IL1RAPL2: variants seen among roughly 807,000 people sequenced by gnomAD.
The protein encoded by IL1RAPL2 is X-linked interleukin-1 receptor accessory protein-like 2.
IL1RAPL2 carries 3 observed loss-of-function variants against 44.1 expected under a neutral mutation model. The ratio of observed to expected loss-of-function variants is 0.07; its 90% CI spans 0.03 to 0.18. The LOEUF is 0.18. IL1RAPL2 is among the 10% of genes least tolerant of loss of function. IL1RAPL2 has a pLI of 1.00. For missense variants in IL1RAPL2, 391 were observed against 496.4 expected, an observed-to-expected ratio of 0.79 and a Z score of 2.02; for synonymous variants, 181 against 178.8, an observed-to-expected ratio of 1.01 and a Z score of -0.10.
intron 2 of IL1RAPL2, among the ~76,000 whole-genome samples, chrX:105,186,478 T>C (rs1364730647): frequency 9.0e-6 from 1 of 111,320 alleles, no homozygotes; most frequent in African/African-American, 3.3e-5. Flanking sequence ...GCATAACTGC[T>C]TTCTGACAAG....
intron 5 of IL1RAPL2, among the ~76,000 whole-genome samples, chrX:105,272,913 A>C (rs766993438): frequency 3.6e-5 from 4 of 112,134 alleles, no homozygotes; most frequent in Non-Finnish European, 7.5e-5. Context: ...CAGGCTGGAA[A>C]ACACACTTTT....
rs756919746 is a variant in IL1RAPL2 at position 105,527,403 on chromosome X, A to G, written c.772+43016A>G. 2.8e-5 allele frequency among the ~76,000 whole-genome samples: 3 copies of G among 107,268 alleles called. No homozygotes were observed. The East Asian group carries it at 8.7e-4, about 31-fold the overall frequency. 93.1% of individuals were successfully genotyped at this position (107,268 alleles called of 115,157 possible). A position where few individuals can be genotyped will look rare whatever the true frequency, so the allele number is the denominator to read the frequency against. On this transcript the variant is annotated intron_variant, in intron 6 of 10. Transcript: ENST00000372582. Reference sequence around the variant, plus strand: ...TGGCTTGCTCCTCAAAGCCTACAGGATAAAAAGGACATGCAGTATATGTGA... The same window carrying G: ...TGGCTTGCTCCTCAAAGCCTACAGGGTAAAAAGGACATGCAGTATATGTGA...
intron 9 of IL1RAPL2, among the ~76,000 whole-genome samples, chrX:105,753,618 A>C (rs1466789721): frequency 9.0e-6 from 1 of 111,135 alleles, no homozygotes; most frequent in African/African-American, 3.3e-5. Flanking sequence ...TTGCTTATGA[A>C]CATTCTCACT....
chrX:105,504,361 T>C (rs924336713), intron 6 of IL1RAPL2, among the ~76,000 whole-genome samples: 1 of 111,185 alleles, frequency 9.0e-6, no homozygotes, highest in Admixed American at 9.6e-5. Flanking sequence ...TCTTTCAAAA[T>C]TGGGCCTTAT....
chrX:105,704,712 T>C (rs754244111), intron 6 of IL1RAPL2, among the ~76,000 whole-genome samples: 71 of 110,908 alleles, frequency 6.4e-4, no homozygotes, highest in Admixed American at 3.8e-3. Flanking sequence ...TTGCTGCACC[T>C]ATCAACCCAT....
intron 2 of IL1RAPL2, among the ~76,000 whole-genome samples, chrX:104,901,199 CTTTTTTTTTTTTTTTT>C (rs1194148816): frequency 6.2e-5 from 2 of 32,115 alleles, no homozygotes; most frequent in African/African-American, 2.7e-4. Context: ...TCTTTTGCTT[CTTTTTTTTTTTTTTTT>C]TTTTTTTTTT....
chrX:105,077,091 T>C (rs6616563), intron 2 of IL1RAPL2, among the ~76,000 whole-genome samples: 1 of 110,961 alleles, frequency 9.0e-6, no homozygotes, highest in Non-Finnish European at 1.9e-5. Flanking sequence ...TCATTATGAT[T>C]TTAGCTGGTT....
chrX:105,099,418 C>T (rs755451322), intron 2 of IL1RAPL2, among the ~76,000 whole-genome samples: 2 of 93,208 alleles, frequency 2.1e-5, no homozygotes, highest in Non-Finnish European at 4.2e-5. Context: ...CATCATTTGG[C>T]GAGAGCAGGA....
In IL1RAPL2 at chrX:105,440,350, G is replaced by A. The variant is rs747718149; in HGVS notation, c.698-43963G>A. Among the ~76,000 whole-genome samples the A allele has an allele frequency of 3.6e-5, 4 of 112,051 alleles. No individual in the cohort carries two copies. The South Asian group carries it at 1.1e-3, about 31-fold the overall frequency. On this transcript the variant is annotated intron_variant, in intron 5 of 10. Transcript: ENST00000372582. ...AATTTAACTATATTAATAGTTTTAGGTTTAAGTGAAGCACAATATATTTTT... is the reference window on the plus strand; with the variant it reads ...AATTTAACTATATTAATAGTTTTAGATTTAAGTGAAGCACAATATATTTTT...
intron 2 of IL1RAPL2, among the ~76,000 whole-genome samples, chrX:104,746,733 G>A (rs1025285984): frequency 3.6e-5 from 4 of 111,345 alleles, no homozygotes; most frequent in African/African-American, 1.3e-4. Context: ...CATCCTGTTC[G>A]TTTTTGGGAA....
chrX:105,067,571 T>C (rs2032153365), intron 2 of IL1RAPL2, among the ~76,000 whole-genome samples: 1 of 111,727 alleles, frequency 9.0e-6, no homozygotes, highest in Non-Finnish European at 1.9e-5. Context: ...GGTATTATCA[T>C]CATCCCTATT....
At chrX:104,947,158 G>C (rs1238210278) in intron 2 of IL1RAPL2, among the ~76,000 whole-genome samples, 1 of 112,121 alleles carries the variant, frequency 8.9e-6, no homozygotes, top group African/African-American at 3.2e-5. Flanking sequence ...GTATTTCTCT[G>C]ATGGCCAGTG....
At chrX:104,743,175 C>T (rs189500183) in intron 2 of IL1RAPL2, among the ~76,000 whole-genome samples, 21 of 110,705 alleles carry the variant, frequency 1.9e-4, no homozygotes, top group African/African-American at 6.5e-4. Flanking sequence ...TGTGTTTACT[C>T]TCTTTACTCC....
At chrX:104,682,695 A>G (rs928585627) in intron 2 of IL1RAPL2, among the ~76,000 whole-genome samples, 1 of 112,051 alleles carries the variant, frequency 8.9e-6, no homozygotes, top group Non-Finnish European at 1.9e-5. Context: ...GAACATATTT[A>G]GAGGTTTGGA....
chrX:105,396,343 G>A (rs759324681), intron 5 of IL1RAPL2, among the ~76,000 whole-genome samples: 1 of 106,144 alleles, frequency 9.4e-6, no homozygotes. Context: ...ATAAAGTTGA[G>A]ATGACTTTAC....
intron 6 of IL1RAPL2, among the ~76,000 whole-genome samples, chrX:105,645,179 C>T (rs1376651957): frequency 9.0e-6 from 1 of 111,659 alleles, no homozygotes; most frequent in African/African-American, 3.3e-5. Flanking sequence ...ATTCTCATGA[C>T]ATGCTGGCAA....
At chrX:105,042,871 A>G (rs1445003485) in intron 2 of IL1RAPL2, among the ~76,000 whole-genome samples, 5 of 108,118 alleles carry the variant, frequency 4.6e-5, no homozygotes, top group Non-Finnish European at 9.6e-5. Context: ...AATGTGGCAC[A>G]TATACACCAT....
intron 6 of IL1RAPL2, among the ~76,000 whole-genome samples, chrX:105,620,200 C>T (rs759107630): frequency 8.7e-4 from 97 of 111,626 alleles, no homozygotes; most frequent in African/African-American, 3.0e-3. Flanking sequence ...CTAATAATTA[C>T]AGAGTTCCTA....
At chrX:104,609,229 T>A (rs1929090333) in intron 1 of IL1RAPL2, among the ~76,000 whole-genome samples, 1 of 112,372 alleles carries the variant, frequency 8.9e-6, no homozygotes, top group African/African-American at 3.2e-5. Flanking sequence ...CTGCTGTTAG[T>A]CTGATGGGCT....
Sources: allele counts gnomAD v4.1 joint callset (sites outside exome capture counted in the v4.1 genomes callset), GRCh38; gene constraint gnomAD v4.1.1; transcripts MANE v1.5; gene names NCBI Gene and HGNC (gene_info 2026-07-23, HGNC 2026-07-21).